The following IGDCC4 variants were observed in gnomAD, a reference collection of about 807,000 sequenced individuals.
IGDCC4 encodes the protein likely ortholog of mouse neighbor of Punc E11.
A neutral mutation model predicts 116.6 loss-of-function variants in IGDCC4; 72 were observed. That is an observed-to-expected ratio of 0.62 (90% CI 0.51 to 0.75). The LOEUF (loss-of-function observed/expected upper bound fraction) is 0.75. Among genes scored for constraint, IGDCC4 ranks in the 30% least tolerant of loss-of-function variants. The pLI is 0.00. For missense variants in IGDCC4, 1,501 were observed against 1,662.4 expected (o/e 0.90, Z 1.69); for synonymous variants, 709 against 719.9 (o/e 0.98, Z 0.24).
rs974948122 is a variant in IGDCC4, at chr15:65,386,078, A to G, written c.2952-19T>C. 2 of 1,435,918 alleles carry G rather than the reference A, an allele frequency of 1.4e-6. No individual in the cohort carries two copies. Among genetic ancestry groups the G allele is most frequent in the South Asian group, 1.4e-5 (1 of 70,902 alleles). 88.9% of individuals were successfully genotyped at this position (1,435,918 alleles called of 1,614,324 possible). A position where few individuals can be genotyped will look rare whatever the true frequency, so the allele number is the denominator to read the frequency against. ...GGATTCCCTGGAAGGGAAGACGGAA[A>G]ACAAGGCATAGCGGTCAGAGTAAGG... On this transcript the variant is annotated intron_variant, in intron 17 of 19. Coordinates refer to ENST00000352385, the MANE Select transcript of IGDCC4 (RefSeq NM_020962.3).
chr15:65,385,558 G>T (rs1216959186), intron 18 of IGDCC4: 4 of 581,294 alleles, frequency 6.9e-6, no homozygotes, highest in Non-Finnish European at 1.2e-5. Flanking sequence ...CAGCTCCAGG[G>T]ATGAGGAGGG....
intron 12 of IGDCC4, 98 bp downstream of exon 12, chr15:65,391,782 G>A: frequency 9.3e-7 from 1 of 1,073,454 alleles, no homozygotes; most frequent in South Asian, 1.4e-5. Flanking sequence ...GGCTACTAAA[G>A]TACCTGCTCA....
chr15:65,397,113 C>A (rs111710616), intron 5 of IGDCC4, 124 bp from the exon 6 acceptor site: 2 of 1,216,706 alleles, frequency 1.6e-6, no homozygotes, highest in East Asian at 5.2e-5. Flanking sequence ...GTCCGAATCT[C>A]ATTTCCTCCT....
chr15:65,394,375 C>A (rs2062897547), intron 9 of IGDCC4, 36 bp downstream of exon 9: 1 of 1,610,948 alleles, frequency 6.2e-7, no homozygotes, highest in African/African-American at 1.3e-5. Flanking sequence ...GTTGATCATT[C>A]CCATACATGC....
intron 1 of IGDCC4, among the ~76,000 whole-genome samples, chr15:65,418,622 C>A (rs1256701878): frequency 6.6e-6 from 1 of 152,034 alleles, no homozygotes; most frequent in East Asian, 1.9e-4. Context: ...GCATGTCAGG[C>A]TCCAAAACAT....
chr15:65,415,264 C>A (rs2063132135), intron 1 of IGDCC4, among the ~76,000 whole-genome samples: 1 of 152,210 alleles, frequency 6.6e-6, no homozygotes, highest in African/African-American at 2.4e-5. Flanking sequence ...AAAGCATGTC[C>A]CAGGCTTGGA....
chr15:65,393,610 C>A lies in IGDCC4; in HGVS notation c.1715-79G>T. The A allele has an allele frequency of 7.0e-7, 1 of 1,433,250 alleles. No homozygotes were observed. The highest frequency in any genetic ancestry group is 2.4e-5 in the East Asian group (1 of 42,470). The allele number at this position is 1,433,250 out of a possible 1,614,324, so 88.8% of individuals were successfully genotyped here. A position where few individuals can be genotyped will look rare whatever the true frequency, so the allele number is the denominator to read the frequency against. On this transcript the variant is annotated intron_variant, in intron 9 of 19. Coordinates refer to ENST00000352385, the MANE Select transcript of IGDCC4 (RefSeq NM_020962.3). The surrounding 1 kb of genome is among the most constrained non-coding windows in gnomAD (Gnocchi z 4.6). Reference sequence around the variant, plus strand: ...TAAACCCCCCTACATGGCTCTTCCGCCTCACATCCCGGTTCCTCCGTGCCC... The same window carrying A: ...TAAACCCCCCTACATGGCTCTTCCGACTCACATCCCGGTTCCTCCGTGCCC...
In IGDCC4 at chr15:65,410,281, C is replaced by G; in HGVS notation, c.460G>C (p.Val154Leu). Residue 154 changes from valine (V) to leucine (L), a missense_variant, in exon 3 of 20, where the codon GTG becomes CTG. Physicochemically the swap from Val to Leu is conservative, Grantham distance 32. Coordinates refer to ENST00000352385, the MANE Select transcript of IGDCC4 (RefSeq NM_020962.3). ...AAGCGAGCTGTCCCGTTCTCCTCCA[C>G]CGTCTGAGACTCCGGGTGCAGAGAG... ...DFSLHPESQTVEENGTARFEC... is the reference protein window; with the variant it reads ...DFSLHPESQTLEENGTARFEC... The G allele has an allele frequency of 6.2e-7, 1 of 1,614,094 alleles. No homozygotes were observed. Among genetic ancestry groups the G allele is most frequent in the Non-Finnish European group, 8.5e-7 (1 of 1,180,038 alleles).
intron 6 of IGDCC4, chr15:65,396,381 C>A: frequency 1.4e-6 from 1 of 696,082 alleles, no homozygotes; most frequent in Non-Finnish European, 2.6e-6. Flanking sequence ...CATTCTCTTT[C>A]TCTCCCAAAA....
chr15:65,419,133 C>T (rs1250936672), intron 1 of IGDCC4, among the ~76,000 whole-genome samples: 1 of 151,848 alleles, frequency 6.6e-6, no homozygotes, highest in Non-Finnish European at 1.5e-5. Context: ...CATAGCTTAC[C>T]ACAGTCTTGA....
chr15:65,418,630 C>T (rs1484262901), intron 1 of IGDCC4, among the ~76,000 whole-genome samples: 1 of 152,158 alleles, frequency 6.6e-6, no homozygotes. Context: ...GGCTCCAAAA[C>T]ATACTCTCTG....
chr15:65,412,698 C>T (rs1278454871), intron 1 of IGDCC4, among the ~76,000 whole-genome samples: 4 of 151,690 alleles, frequency 2.6e-5, no homozygotes, highest in Admixed American at 2.0e-4. Context: ...GGTTGAGGGC[C>T]AAGACAGCAG....
At chr15:65,410,583 G>A in intron 2 of IGDCC4, 1 of 528,698 alleles carries the variant, frequency 1.9e-6, no homozygotes, top group Non-Finnish European at 3.4e-6. Flanking sequence ...ACTTCTTCTG[G>A]CCTGAAAGTT....
intron 7 of IGDCC4, 36 bp downstream of exon 7, chr15:65,395,714 G>A: frequency 1.4e-6 from 2 of 1,412,668 alleles, no homozygotes; most frequent in Non-Finnish European, 9.3e-7. Flanking sequence ...CCCCGCCCGG[G>A]CCTGCGCTGG....
At chr15:65,412,775 A>C (rs1253397368) in intron 1 of IGDCC4, among the ~76,000 whole-genome samples, 1 of 152,038 alleles carries the variant, frequency 6.6e-6, no homozygotes, top group Non-Finnish European at 1.5e-5. Context: ...ATTATAAAAA[A>C]AAATTTTTTT....
chr15:65,385,214 G>C, intron 18 of IGDCC4, 99 bp from the exon 19 acceptor site: 1 of 1,258,078 alleles, frequency 7.9e-7, no homozygotes, highest in Non-Finnish European at 1.1e-6. Context: ...CGGGGGAGCA[G>C]GGTCCAGACT....
chr15:65,394,661 CAGGA>C, intron 8 of IGDCC4, 113 bp from the exon 9 acceptor site: 1 of 1,094,364 alleles, frequency 9.1e-7, no homozygotes, highest in Non-Finnish European at 1.3e-6. Context: ...AGGCCAGGAC[CAGGA>C]TCTGAGGGAG....
chr15:65,388,716 C>A, intron 15 of IGDCC4, 92 bp downstream of exon 15: 1 of 1,595,612 alleles, frequency 6.3e-7, no homozygotes. Context: ...CTCCCAGTAG[C>A]CCCTGGAACA....
intron 3 of IGDCC4, among the ~76,000 whole-genome samples, chr15:65,408,015 C>T (rs2063056173): frequency 1.3e-5 from 2 of 151,868 alleles, no homozygotes; most frequent in African/African-American, 2.4e-5. Flanking sequence ...GCGATCCGCC[C>T]GCCTTGGCTC....
Sources: allele counts gnomAD v4.1 joint callset (sites outside exome capture counted in the v4.1 genomes callset), GRCh38; gene constraint gnomAD v4.1.1; non-coding constraint Gnocchi (gnomAD v3.1); transcripts MANE v1.5; gene names NCBI Gene and HGNC (gene_info 2026-07-23, HGNC 2026-07-21).